The following NR5A1 variants were observed in gnomAD, a reference collection of about 807,000 sequenced individuals.
The protein encoded by NR5A1 is steroidogenic factor 1.
A neutral mutation model predicts 42.7 loss-of-function variants in NR5A1; 6 were observed. The ratio of observed to expected loss-of-function variants is 0.14; its 90% CI spans 0.08 to 0.28. The LOEUF is 0.28. NR5A1 is among the 10% of genes least tolerant of loss of function. NR5A1 has a pLI of 1.00. For missense variants in NR5A1, 442 were observed against 626.4 expected (o/e 0.71, Z 3.14); for synonymous variants, 274 against 277.5 (o/e 0.99, Z 0.12).
chr9:124,501,863 A>C lies in NR5A1; in HGVS notation c.245-1148T>G, dbSNP rs1369585760. On this transcript the variant is annotated intron_variant, in intron 3 of 6. Coordinates refer to ENST00000373588, the MANE Select transcript of NR5A1 (RefSeq NM_004959.5). This position sits in a 1 kb window ranked among gnomAD's most constrained non-coding sequence, Gnocchi z 4.1. ...CTTAATCAACCACTGCCTGTTCAGC[A>C]CACAGTCCAGTGACCGGCCACCTCC... is the stretch of plus-strand genomic sequence containing the variant. Among the ~76,000 whole-genome samples, 3 of 152,180 alleles carry C rather than the reference A, an allele frequency of 2.0e-5. No homozygotes were observed. The highest frequency in any genetic ancestry group is 4.4e-5 in the Non-Finnish European group (3 of 68,032).
At chr9:124,502,285 C>G (rs1184847682) in intron 3 of NR5A1, among the ~76,000 whole-genome samples, 1 of 152,140 alleles carries the variant, frequency 6.6e-6, no homozygotes, top group Non-Finnish European at 1.5e-5. Context: ...GCCCATTTTT[C>G]TTTTCTTTCT....
chr9:124,503,336 C>T lies in NR5A1; in HGVS notation c.60G>A (p.Val20=), dbSNP rs1311126705. 1 of 1,611,802 alleles carries T rather than the reference C, an allele frequency of 6.2e-7. No individual in the cohort carries two copies. The highest frequency in any genetic ancestry group is 1.1e-5 in the South Asian group (1 of 90,896). The part of the protein sequence containing the change: ...DELCPVCGDK[V]SGYHYGLLTC... The stretch of plus-strand genomic sequence containing the variant: ...TGAGCAGTCCGTAGTGGTAGCCGGA[C>T]ACCTTGTCCCCGCACACGGGGCACA... The change falls in exon 2 of 7, where the codon GTG becomes GTA. Residue 20 remains valine (V), a synonymous_variant. Transcript: ENST00000373588. The surrounding 1 kb of genome is among the most constrained non-coding windows in gnomAD (Gnocchi z 9.6).
intron 4 of NR5A1, 36 bp from the exon 5 acceptor site, chr9:124,493,185 G>A (rs896365594): frequency 6.3e-7 from 1 of 1,599,982 alleles, no homozygotes; most frequent in Non-Finnish European, 8.5e-7. Flanking sequence ...CCGGGCTCCA[G>A]CCAGGGTCCA....
In NR5A1 at chr9:124,500,826, C is replaced by A. The variant is rs1014406361; in HGVS notation, c.245-111G>T. On this transcript the variant is annotated intron_variant, in intron 3 of 6. Transcript: ENST00000373588. This position sits in a 1 kb window ranked among gnomAD's most constrained non-coding sequence, Gnocchi z 6.9. Reference sequence around the variant, plus strand: ...GACCGCTCTCTCCCCTGCTCAACACCCTTTCATGGCTCCCACTGACCACAG... The same window carrying A: ...GACCGCTCTCTCCCCTGCTCAACACACTTTCATGGCTCCCACTGACCACAG... The A allele has an allele frequency of 3.1e-5, 47 of 1,524,948 alleles. No individual in the cohort carries two copies. The Middle Eastern group carries it at 5.1e-4, about 17-fold the overall frequency. 94.5% of individuals were successfully genotyped at this position (1,524,948 alleles called of 1,614,324 possible). A position where few individuals can be genotyped will look rare whatever the true frequency, so the allele number is the denominator to read the frequency against.
At chr9:124,489,514 A>G (rs531034670) in intron 6 of NR5A1, among the ~76,000 whole-genome samples, 1 of 152,364 alleles carries the variant, frequency 6.6e-6, no homozygotes, top group Non-Finnish European at 1.5e-5. Context: ...ATGCAGAGAC[A>G]GACGTTCACG....
intron 4 of NR5A1, among the ~76,000 whole-genome samples, chr9:124,494,234 CT>C (rs549946711): frequency 0.015 from 2,239 of 152,346 alleles, 56 homozygotes; most frequent in African/African-American, 0.051. Flanking sequence ...AGTCATTCCA[CT>C]GCAGCCCTAC....
At chr9:124,492,987 G>A (rs370203496) in intron 5 of NR5A1, 43 bp downstream of exon 5, 28 of 1,530,418 alleles carry the variant, frequency 1.8e-5, no homozygotes, top group Non-Finnish European at 2.5e-5. Context: ...GTGCACAGCG[G>A]GGCCAGGGCG....
rs1832398762 is a variant in NR5A1 at position 124,496,989 on chromosome 9, G to C, written c.870+3101C>G. Among the ~76,000 whole-genome samples, 1 of 152,186 alleles carries C rather than the reference G, an allele frequency of 6.6e-6. No individual in the cohort carries two copies. Among genetic ancestry groups the C allele is most frequent in the African/African-American group, 2.4e-5 (1 of 41,446 alleles). On this transcript the variant is annotated intron_variant, in intron 4 of 6. Coordinates refer to ENST00000373588, the MANE Select transcript of NR5A1 (RefSeq NM_004959.5). This position sits in a 1 kb window ranked among gnomAD's most constrained non-coding sequence, Gnocchi z 5.0. ...ACAGGGAAAAAGTTGCTTTATAAGC[G>C]CAGGACAAAGTGACCCTCAGACGGT... is the stretch of plus-strand genomic sequence containing the variant.
At chr9:124,492,976 A>T in intron 5 of NR5A1, 54 bp downstream of exon 5, 16 of 1,509,184 alleles carry the variant, frequency 1.1e-5, no homozygotes, top group Non-Finnish European at 1.3e-5. Flanking sequence ...GAATCCTGGA[A>T]GTGCACAGCG....
chr9:124,505,907 G>A (rs1832550854), intron 1 of NR5A1, among the ~76,000 whole-genome samples: 1 of 152,228 alleles, frequency 6.6e-6, no homozygotes, highest in Non-Finnish European at 1.5e-5. Flanking sequence ...AAACGGACCC[G>A]AAAGGAAGGG....
In NR5A1 at chr9:124,503,218, G is replaced by A. The variant is rs764939292; in HGVS notation, c.105C>T (p.Gly35=). ...YGLLTCESCK[G]FFKRTVQNNK... Reference sequence around the variant, plus strand: ...TGTTCTGCACCGTGCGCTTGAAGAAGCCCTGCGGGAGCTGAGAGTCAGCGA... The same window carrying A: ...TGTTCTGCACCGTGCGCTTGAAGAAACCCTGCGGGAGCTGAGAGTCAGCGA... Residue 35 remains glycine, a splice_region_variant and synonymous_variant, in exon 3 of 7, where the codon GGC becomes GGT. Coordinates refer to ENST00000373588, the MANE Select transcript of NR5A1 (RefSeq NM_004959.5). The surrounding 1 kb of genome is among the most constrained non-coding windows in gnomAD (Gnocchi z 9.6). 5 of 1,604,406 alleles carry A rather than the reference G, an allele frequency of 3.1e-6. No homozygotes were observed. In the East Asian group the frequency reaches 9.0e-5, roughly 29 times the overall value.
Position 124,500,032 on chromosome 9 carries a change from G to T in NR5A1, c.870+58C>A. 4 of 1,612,340 alleles carry T rather than the reference G, an allele frequency of 2.5e-6. No individual in the cohort carries two copies. The highest frequency in any genetic ancestry group is 3.4e-6 in the Non-Finnish European group (4 of 1,179,476). ...CTATCCAAAGGACAGTCGGGCTAAG[G>T]CTTGGGCAGCCGGGAGGACCATGAT... On this transcript the variant is annotated intron_variant, in intron 4 of 6. Coordinates refer to ENST00000373588, the MANE Select transcript of NR5A1 (RefSeq NM_004959.5). This position sits in a 1 kb window ranked among gnomAD's most constrained non-coding sequence, Gnocchi z 6.9.
chr9:124,481,706 G>C lies in NR5A1; in HGVS notation c.*1052C>G, dbSNP rs879685462. On this transcript the variant is annotated 3_prime_UTR_variant, in exon 7 of 7. Coordinates refer to ENST00000373588, the MANE Select transcript of NR5A1 (RefSeq NM_004959.5). ...GTTCACTTGCATTCCCACCCACAGA[G>C]ACCTGAAGCCCCCAACAGGGCATCC... is the stretch of plus-strand genomic sequence containing the variant. 2 of 152,212 alleles carry C rather than the reference G, an allele frequency of 1.3e-5. No individual in the cohort carries two copies. Among genetic ancestry groups the C allele is most frequent in the African/African-American group, 4.8e-5 (2 of 41,432 alleles). The allele number at this position is 152,212 out of a possible 1,614,324, so 9.4% of individuals were successfully genotyped here.
intron 6 of NR5A1, among the ~76,000 whole-genome samples, chr9:124,484,172 T>C (rs1434390372): frequency 1.3e-5 from 2 of 152,192 alleles, no homozygotes; most frequent in Non-Finnish European, 2.9e-5. Context: ...ACATGGGTAC[T>C]CCAGGCATGC....
intron 1 of NR5A1, among the ~76,000 whole-genome samples, chr9:124,506,633 A>G (rs1245366198): frequency 6.6e-6 from 1 of 151,956 alleles, no homozygotes; most frequent in Non-Finnish European, 1.5e-5. Flanking sequence ...TTCTCCCTCT[A>G]TCTCCAATCC....
At chr9:124,491,818 C>T (rs1016890444) in intron 5 of NR5A1, among the ~76,000 whole-genome samples, 2 of 152,114 alleles carry the variant, frequency 1.3e-5, no homozygotes, top group Non-Finnish European at 2.9e-5. Flanking sequence ...ATCACATTTA[C>T]GGGTTGATGG....
chr9:124,493,190 G>A (rs765216676), intron 4 of NR5A1, 41 bp from the exon 5 acceptor site: 1 of 1,596,592 alleles, frequency 6.3e-7, no homozygotes, highest in Non-Finnish European at 8.5e-7. Context: ...CTCCAGCCAG[G>A]GTCCAGGGAC....
At chr9:124,493,710 C>G (rs1832349365) in intron 4 of NR5A1, among the ~76,000 whole-genome samples, 1 of 152,310 alleles carries the variant, frequency 6.6e-6, no homozygotes, top group African/African-American at 2.4e-5. Flanking sequence ...GAGGGAGGTC[C>G]CACCTGGCCT....
At position 124,482,723 on chromosome 9, in the gene NR5A1, C is replaced by A. The variant is rs1267856300; in HGVS notation, c.*35G>T. ...CCCCGCCCAGGCCCCGCCCCCAGTCCCGCCCCCAGTCCCGGCCCCGCCCCC... is the reference window on the plus strand; with the variant it reads ...CCCCGCCCAGGCCCCGCCCCCAGTCACGCCCCCAGTCCCGGCCCCGCCCCC... On this transcript the variant is annotated 3_prime_UTR_variant, in exon 7 of 7. Transcript: ENST00000373588. The A allele has an allele frequency of 3.9e-6, 3 of 773,550 alleles. No homozygotes were observed. The African/African-American group carries it at 5.4e-5, about 14-fold the overall frequency. The allele number at this position is 773,550 out of a possible 1,614,324, so 47.9% of individuals were successfully genotyped here.
Sources: gnomAD v4.1 joint callset for allele counts (sites outside exome capture counted in the v4.1 genomes callset) on GRCh38, gnomAD v4.1.1 for gene constraint, Gnocchi (gnomAD v3.1) non-coding constraint, MANE v1.5 for transcripts, NCBI Gene and HGNC (gene_info 2026-07-23, HGNC 2026-07-21) for gene names.